The following RGS7 variants were observed in gnomAD, a reference collection of about 807,000 sequenced individuals.
RGS7 encodes regulator of G protein signaling 7.
A neutral mutation model predicts 81.1 loss-of-function variants in RGS7; 27 were observed. The ratio of observed to expected loss-of-function variants is 0.33; its 90% CI spans 0.25 to 0.46. The LOEUF (loss-of-function observed/expected upper bound fraction) is 0.46. Ranked by LOEUF, RGS7 falls within the 20% of genes least tolerant of loss-of-function variation. The pLI, the probability that RGS7 is intolerant of heterozygous loss-of-function variation, is 1.00. For missense variants in RGS7, 396 were observed against 607.4 expected (o/e 0.65, Z 3.66); for synonymous variants, 208 against 207.7 (o/e 1.00, Z -0.01).
intron 6 of RGS7, among the ~76,000 whole-genome samples, chr1:240,904,188 G>T (rs975762273): frequency 6.6e-6 from 1 of 152,032 alleles, no homozygotes; most frequent in Non-Finnish European, 1.5e-5. Context: ...AGAGAGTCAG[G>T]ATGGAGAAAA....
chr1:241,305,867 GC>G, intron 2 of RGS7: 1 of 303,880 alleles, frequency 3.3e-6, no homozygotes, highest in South Asian at 2.8e-5. Flanking sequence ...GAGGCCCACG[GC>G]CATGGGGTAG....
intron 9 of RGS7, among the ~76,000 whole-genome samples, chr1:240,850,753 C>G (rs1452850016): frequency 6.6e-6 from 1 of 152,132 alleles, no homozygotes; most frequent in East Asian, 1.9e-4. Flanking sequence ...CTCTAGTGAA[C>G]ACACAAATGA....
At chr1:241,304,987 A>G (rs2080000782) in intron 2 of RGS7, among the ~76,000 whole-genome samples, 2 of 152,244 alleles carry the variant, frequency 1.3e-5, no homozygotes, top group Admixed American at 1.3e-4. Context: ...TGTATTATTT[A>G]ACAACCTAAT....
intron 2 of RGS7, among the ~76,000 whole-genome samples, chr1:241,262,148 G>C (rs1231618672): frequency 1.3e-5 from 2 of 152,084 alleles, no homozygotes; most frequent in Non-Finnish European, 2.9e-5. Flanking sequence ...ATTCCCCCTT[G>C]CAAGGTCTTG....
intron 3 of RGS7, among the ~76,000 whole-genome samples, chr1:240,995,820 T>C (rs890774450): frequency 6.6e-6 from 1 of 152,008 alleles, no homozygotes; most frequent in Non-Finnish European, 1.5e-5. Flanking sequence ...TTCCATTGAT[T>C]TATGCTCTTT....
intron 2 of RGS7, among the ~76,000 whole-genome samples, chr1:241,302,709 G>A (rs371805204): frequency 3.9e-5 from 6 of 152,078 alleles, no homozygotes; most frequent in Non-Finnish European, 5.9e-5. Flanking sequence ...TCTAGTGTAC[G>A]TATGATTCAG....
chr1:241,161,492 AATTATATT>A (rs2069659230), intron 2 of RGS7, among the ~76,000 whole-genome samples: 1 of 146,896 alleles, frequency 6.8e-6, no homozygotes, highest in African/African-American at 2.5e-5. Flanking sequence ...AATATATAAT[AATTATATT>A]ATTATAACTA....
chr1:241,306,578 G>A (rs1036340856), intron 2 of RGS7, among the ~76,000 whole-genome samples: 18 of 144,428 alleles, frequency 1.2e-4, no homozygotes, highest in South Asian at 4.5e-4. Flanking sequence ...GTCCACACAC[G>A]TACAAACCCT....
At position 240,801,457 on chromosome 1, in the gene RGS7, C is replaced by T. The variant is rs763247206; in HGVS notation, c.1411G>A (p.Val471Met). Residue 471 changes from valine to methionine, a missense_variant and splice_region_variant, in exon 17 of 19, where the codon GTG becomes ATG. Physicochemically the swap from Val to Met is conservative, Grantham distance 21. Transcript: ENST00000440928. ...RTSFEKFAQN[V>M]GRNIPIFPCH... ...ATTCCTCAAAAAATTAAACTTACCA[C>T]ATTCTGTGCAAATTTTTCAAAAGAT... 1 of 1,598,024 alleles carries T rather than the reference C, an allele frequency of 6.3e-7. No homozygotes were observed. Among genetic ancestry groups the T allele is most frequent in the Middle Eastern group, 1.7e-4 (1 of 6,038 alleles).
chr1:241,047,733 CTTTT>C lies in RGS7; in HGVS notation c.175+50929_175+50932del, dbSNP rs34738551. ...CTCTGTCAAATAATTGTTTACAATC[CTTTT>C]TTTTTTTTTTTTTTTTTTTTGAGAT... On this transcript the variant is annotated intron_variant, in intron 3 of 18. Transcript: ENST00000440928. Among the ~76,000 whole-genome samples, 12 of 89,514 alleles carry C rather than the reference CTTTT, an allele frequency of 1.3e-4. No homozygotes were observed. In the Admixed American group the frequency reaches 1.6e-3, roughly 12 times the overall value. 58.7% of individuals were successfully genotyped at this position (89,514 alleles called of 152,430 possible). A position where few individuals can be genotyped will look rare whatever the true frequency, so the allele number is the denominator to read the frequency against.
chr1:240,915,760 G>A (rs920450190), intron 6 of RGS7, among the ~76,000 whole-genome samples: 1 of 151,956 alleles, frequency 6.6e-6, no homozygotes, highest in Admixed American at 6.6e-5. Context: ...ATGAGAACCA[G>A]ACTAAATATG....
chr1:241,240,653 T>C (rs2076217864), intron 2 of RGS7, among the ~76,000 whole-genome samples: 1 of 152,168 alleles, frequency 6.6e-6, no homozygotes, highest in African/African-American at 2.4e-5. Flanking sequence ...AGTTAGAAAT[T>C]GTATGTATAA....
chr1:241,124,750 G>T (rs2066530552), intron 2 of RGS7, among the ~76,000 whole-genome samples: 1 of 152,206 alleles, frequency 6.6e-6, no homozygotes, highest in African/African-American at 2.4e-5. Context: ...GGCCCCCTGG[G>T]AGCTGAGCCA....
chr1:241,189,866 A>G (rs1039617238), intron 2 of RGS7, among the ~76,000 whole-genome samples: 13 of 152,282 alleles, frequency 8.5e-5, no homozygotes, highest in Admixed American at 6.5e-4. Flanking sequence ...CTGTAATCCC[A>G]GCACTTTGGG....
intron 2 of RGS7, among the ~76,000 whole-genome samples, chr1:241,109,291 C>T (rs1200506158): frequency 6.6e-6 from 1 of 152,154 alleles, no homozygotes; most frequent in East Asian, 1.9e-4. Context: ...GGAAATTCAG[C>T]TATACTTCTA....
At chr1:241,183,360 G>A (rs921679948) in intron 2 of RGS7, among the ~76,000 whole-genome samples, 6 of 152,148 alleles carry the variant, frequency 3.9e-5, no homozygotes, top group Non-Finnish European at 7.4e-5. Flanking sequence ...CAGTCACCAC[G>A]TGCTCCATCT....
chr1:240,967,310 T>C (rs755315707), intron 4 of RGS7, among the ~76,000 whole-genome samples: 1 of 152,226 alleles, frequency 6.6e-6, no homozygotes, highest in South Asian at 2.1e-4. Context: ...TTAGTGATAT[T>C]GGCCACTGTC....
chr1:241,051,321 TTC>T (rs2148806246), intron 3 of RGS7, among the ~76,000 whole-genome samples: 1 of 152,314 alleles, frequency 6.6e-6, no homozygotes, highest in East Asian at 1.9e-4. Flanking sequence ...AGGGCTGTTA[TTC>T]TCTCTGCTAC....
At chr1:240,973,974 G>A (rs901120182) in intron 4 of RGS7, among the ~76,000 whole-genome samples, 4 of 152,198 alleles carry the variant, frequency 2.6e-5, no homozygotes, top group Admixed American at 6.5e-5. Flanking sequence ...GAATACAAAG[G>A]CCATTTGTAA....
Sources: gnomAD v4.1 joint callset for allele counts (sites outside exome capture counted in the v4.1 genomes callset) on GRCh38, gnomAD v4.1.1 for gene constraint, MANE v1.5 for transcripts, NCBI Gene and HGNC (gene_info 2026-07-23, HGNC 2026-07-21) for gene names.